The following STK39 variants were observed in gnomAD, a reference collection of about 807,000 sequenced individuals.
STK39 encodes serine/threonine kinase 39.
Under a neutral mutation model 77.8 loss-of-function variants are expected in STK39, and 20 were observed. The observed-to-expected ratio is 0.26, with a 90% CI of 0.18 to 0.37. The LOEUF (loss-of-function observed/expected upper bound fraction) is 0.37. Among genes scored for constraint, STK39 ranks in the 10% least tolerant of loss-of-function variants. STK39 has a pLI of 1.00. For synonymous variants in STK39, 246 were observed against 234.1 expected (o/e 1.05, Z -0.47); for missense variants, 479 against 656.5 (o/e 0.73, Z 2.95).
intron 1 of STK39, among the ~76,000 whole-genome samples, chr2:168,196,805 C>T (rs1420764465): frequency 1.3e-5 from 2 of 152,108 alleles, no homozygotes; most frequent in East Asian, 3.9e-4. Context: ...AAGATCTGAG[C>T]ATTCTAAGAT....
intron 1 of STK39, among the ~76,000 whole-genome samples, chr2:168,214,347 G>A (rs1689971654): frequency 6.6e-6 from 1 of 151,900 alleles, no homozygotes; most frequent in Non-Finnish European, 1.5e-5. Flanking sequence ...ATACATGCAT[G>A]CGAAAGATCA....
chr2:167,958,081 G>A (rs940754198), intron 17 of STK39, among the ~76,000 whole-genome samples: 1 of 152,180 alleles, frequency 6.6e-6, no homozygotes, highest in Non-Finnish European at 1.5e-5. Flanking sequence ...ATATGCAAAT[G>A]ACTCTGAAAT....
intron 10 of STK39, among the ~76,000 whole-genome samples, chr2:168,107,365 T>C (rs1017421303): frequency 1.3e-5 from 2 of 152,196 alleles, no homozygotes; most frequent in Non-Finnish European, 2.9e-5. Context: ...GTTTGGGAAT[T>C]TGGAGTTTCC....
chr2:168,094,159 A>G (rs1307603333), intron 10 of STK39, among the ~76,000 whole-genome samples: 1 of 152,166 alleles, frequency 6.6e-6, no homozygotes, highest in Non-Finnish European at 1.5e-5. Flanking sequence ...TTCCAGGCCA[A>G]GTCCTCCCCT....
At chr2:168,222,978 CATT>C (rs1446051433) in intron 1 of STK39, among the ~76,000 whole-genome samples, 7 of 152,188 alleles carry the variant, frequency 4.6e-5, no homozygotes, top group East Asian at 1.9e-4. Flanking sequence ...TCATAATCAT[CATT>C]GTCATTTACT....
At chr2:167,980,747 G>C (rs1480858400) in intron 16 of STK39, among the ~76,000 whole-genome samples, 11 of 112,568 alleles carry the variant, frequency 9.8e-5, no homozygotes, top group African/African-American at 3.5e-4. Context: ...TTCATTTCTT[G>C]TTGTTGTTTT....
chr2:168,202,543 A>G (rs1025527628), intron 1 of STK39, among the ~76,000 whole-genome samples: 3 of 152,102 alleles, frequency 2.0e-5, no homozygotes, highest in Non-Finnish European at 4.4e-5. Flanking sequence ...TTACTTCCAC[A>G]TGACTCCCTC....
intron 1 of STK39, among the ~76,000 whole-genome samples, chr2:168,227,970 T>C (rs1690350460): frequency 6.6e-6 from 1 of 152,146 alleles, no homozygotes; most frequent in Non-Finnish European, 1.5e-5. Context: ...ACGATTTTTC[T>C]ACCAATCAAC....
intron 10 of STK39, among the ~76,000 whole-genome samples, chr2:168,102,401 C>A (rs1686853068): frequency 6.6e-6 from 1 of 152,134 alleles, no homozygotes; most frequent in Non-Finnish European, 1.5e-5. Context: ...CCCTCCCTTG[C>A]ATGATCTTAT....
intron 10 of STK39, among the ~76,000 whole-genome samples, chr2:168,098,934 A>G (rs1047081965): frequency 6.6e-6 from 1 of 152,252 alleles, no homozygotes; most frequent in Non-Finnish European, 1.5e-5. Context: ...ATACCAGGCC[A>G]TAGAGCATTG....
chr2:168,229,689 G>T (rs1690402823), intron 1 of STK39, among the ~76,000 whole-genome samples: 1 of 152,108 alleles, frequency 6.6e-6, no homozygotes, highest in Non-Finnish European at 1.5e-5. Context: ...TATTTTTCGG[G>T]CTGTGACAAA....
At chr2:168,061,842 A>G (rs1302159758) in intron 14 of STK39, among the ~76,000 whole-genome samples, 1 of 152,216 alleles carries the variant, frequency 6.6e-6, no homozygotes, top group East Asian at 1.9e-4. Flanking sequence ...AGGGCAAAAT[A>G]ATATCTAAAG....
At chr2:168,235,318 G>A (rs993498117) in intron 1 of STK39, among the ~76,000 whole-genome samples, 3 of 151,976 alleles carry the variant, frequency 2.0e-5, no homozygotes, top group Admixed American at 6.6e-5. Flanking sequence ...GACTACAGGC[G>A]TCCCTGAGCC....
At chr2:168,182,843 C>A (rs1449807128) in intron 1 of STK39, among the ~76,000 whole-genome samples, 1 of 152,118 alleles carries the variant, frequency 6.6e-6, no homozygotes, top group African/African-American at 2.4e-5. Flanking sequence ...GTTAAGGCAT[C>A]TCAATTCTGC....
chr2:168,242,475 G>A (rs1216387329), intron 1 of STK39, among the ~76,000 whole-genome samples: 1 of 147,974 alleles, frequency 6.8e-6, no homozygotes. Flanking sequence ...CTTGGACCTA[G>A]GAGGCAGAGG....
chr2:168,154,181 G>A (rs1291352026), intron 5 of STK39, among the ~76,000 whole-genome samples: 2 of 152,178 alleles, frequency 1.3e-5, no homozygotes, highest in Non-Finnish European at 2.9e-5. Context: ...CAAGATTTCT[G>A]GCCCATTCAA....
At chr2:168,115,315 A>G (rs1687230398) in intron 10 of STK39, among the ~76,000 whole-genome samples, 1 of 152,366 alleles carries the variant, frequency 6.6e-6, no homozygotes, top group South Asian at 2.1e-4. Flanking sequence ...GGGTGTATAC[A>G]TAAGTAATGT....
intron 10 of STK39, among the ~76,000 whole-genome samples, chr2:168,079,298 C>T (rs1686164682): frequency 6.6e-6 from 1 of 152,144 alleles, no homozygotes; most frequent in Non-Finnish European, 1.5e-5. Flanking sequence ...CCAGCCCCCT[C>T]CCGGCTCTAC....
chr2:168,065,386 T>C lies in STK39; in HGVS notation c.1243-5A>G, dbSNP rs1298769280. 1.2e-6 allele frequency: 2 copies of C among 1,614,014 alleles called. No individual in the cohort carries two copies. Among genetic ancestry groups the C allele is most frequent in the East Asian group, 2.2e-5 (1 of 44,882 alleles). On this transcript the variant is annotated splice_polypyrimidine_tract_variant and splice_region_variant and intron_variant, in intron 12 of 17. Transcript: ENST00000355999. ...GGTGCTGGCACTCACTGCAATCTGT[T>C]ACGAGAGCCACCGTTACAGCATTCA...
Sources: gnomAD v4.1 joint callset for allele counts (sites outside exome capture counted in the v4.1 genomes callset) on GRCh38, gnomAD v4.1.1 for gene constraint, MANE v1.5 for transcripts, NCBI Gene and HGNC (gene_info 2026-07-23, HGNC 2026-07-21) for gene names.